SEMA6A: variants seen among roughly 807,000 people sequenced by gnomAD.
The protein encoded by SEMA6A is semaphorin-6A.
Under a neutral mutation model 96.8 loss-of-function variants are expected in SEMA6A, and 25 were observed. That is an observed-to-expected ratio of 0.26 (90% CI 0.19 to 0.36). The LOEUF is 0.36. SEMA6A is among the 10% of genes least tolerant of loss of function. The pLI is 1.00. For synonymous variants in SEMA6A, 612 were observed against 518.0 expected, an observed-to-expected ratio of 1.18 and a Z score of -2.46; for missense variants, 1,363 against 1,323.1, an observed-to-expected ratio of 1.03 and a Z score of -0.47.
chr5:116,540,822 TC>T (rs1259252418), intron 1 of SEMA6A, among the ~76,000 whole-genome samples: 2 of 152,188 alleles, frequency 1.3e-5, no homozygotes, highest in African/African-American at 4.8e-5. Flanking sequence ...GCCAACAACT[TC>T]TACTTCGGAT....
intron 7 of SEMA6A, among the ~76,000 whole-genome samples, chr5:116,489,859 G>T (rs748254311): frequency 2.0e-5 from 3 of 152,120 alleles, no homozygotes; most frequent in Non-Finnish European, 4.4e-5. Flanking sequence ...ATCAAAAGGG[G>T]TGTTCTAGAA....
intron 18 of SEMA6A, among the ~76,000 whole-genome samples, chr5:116,462,896 T>G (rs535119599): frequency 6.6e-6 from 1 of 152,342 alleles, no homozygotes; most frequent in South Asian, 2.1e-4. Context: ...CTTAGTATTT[T>G]TATATCCCTC....
intron 10 of SEMA6A, among the ~76,000 whole-genome samples, chr5:116,486,298 T>G (rs186812951): frequency 2.8e-4 from 43 of 152,332 alleles, no homozygotes; most frequent in Admixed American, 1.4e-3. Flanking sequence ...ATATTAAAAG[T>G]CAAATACTGC....
chr5:116,560,247 C>G (rs1760768145), intron 1 of SEMA6A, among the ~76,000 whole-genome samples: 1 of 152,208 alleles, frequency 6.6e-6, no homozygotes, highest in African/African-American at 2.4e-5. Flanking sequence ...TTAGCATCTT[C>G]TGCATTCTGC....
rs757466690 is a variant in SEMA6A at position 116,447,780 on chromosome 5, G to T, written c.1926C>A (p.His642Gln). The change falls in exon 19 of 19, where the codon CAC becomes CAA. Residue 642 changes from histidine to glutamine, a missense_variant. His to Gln is a conservative substitution (Grantham distance 24, BLOSUM62 0). This residue lies in a region of SEMA6A where 883 missense variants were observed against 763.6 expected (regional missense o/e 1.16). Coordinates refer to ENST00000343348, the MANE Select transcript of SEMA6A (RefSeq NM_020796.5). ...GVIRESYLKGHDQLVPVTLLA... is the reference protein window; with the variant it reads ...GVIRESYLKGQDQLVPVTLLA... ...AGAGGGTGACGGGAACCAGCTGGTCGTGGCCTTTGAGGTAACTTTCCCGAA... is the reference window on the plus strand; with the variant it reads ...AGAGGGTGACGGGAACCAGCTGGTCTTGGCCTTTGAGGTAACTTTCCCGAA... 11 of 1,605,734 alleles carry T rather than the reference G, an allele frequency of 6.9e-6. No individual in the cohort carries two copies. In the South Asian group the frequency reaches 1.1e-4, roughly 16 times the overall value.
intron 1 of SEMA6A, among the ~76,000 whole-genome samples, chr5:116,534,557 C>T (rs1759628361): frequency 6.6e-6 from 1 of 152,220 alleles, no homozygotes. Flanking sequence ...TTAAATGTTA[C>T]TGCCTAGGAC....
At chr5:116,559,499 G>GGCCGCCA (rs1760732994) in intron 1 of SEMA6A, among the ~76,000 whole-genome samples, 1 of 151,942 alleles carries the variant, frequency 6.6e-6, no homozygotes, top group African/African-American at 2.4e-5. Context: ...GGCTGACGCC[G>GGCCGCCA]TTTTAGGCCT....
At chr5:116,507,820 C>G (rs917567335) in intron 1 of SEMA6A, among the ~76,000 whole-genome samples, 3 of 152,194 alleles carry the variant, frequency 2.0e-5, no homozygotes, top group Admixed American at 1.3e-4. Context: ...GCCTTTCACT[C>G]TCCTTAGCCT....
chr5:116,513,138 T>A (rs987414707), intron 1 of SEMA6A, among the ~76,000 whole-genome samples: 2 of 151,882 alleles, frequency 1.3e-5, no homozygotes, highest in African/African-American at 4.8e-5. Context: ...CTTTTTTTTT[T>A]TCCCCCGCGA....
At chr5:116,514,185 CTCTGTCTTT>C (rs1383844896) in intron 1 of SEMA6A, among the ~76,000 whole-genome samples, 2 of 152,168 alleles carry the variant, frequency 1.3e-5, no homozygotes, top group East Asian at 3.9e-4. Flanking sequence ...GTATTTCTGC[CTCTGTCTTT>C]GAGCAATCAC....
chr5:116,537,943 G>A (rs145866329), intron 1 of SEMA6A, among the ~76,000 whole-genome samples: 3 of 152,050 alleles, frequency 2.0e-5, no homozygotes, highest in Non-Finnish European at 4.4e-5. Flanking sequence ...TTGGGAGGCC[G>A]AGGCGGGCGG....
At chr5:116,532,657 C>A (rs1161492106) in intron 1 of SEMA6A, among the ~76,000 whole-genome samples, 1 of 152,156 alleles carries the variant, frequency 6.6e-6, no homozygotes, top group Non-Finnish European at 1.5e-5. Context: ...CTCCCTTTCC[C>A]ATTTTCTAAC....
intron 18 of SEMA6A, among the ~76,000 whole-genome samples, chr5:116,466,998 G>A (rs933095848): frequency 5.3e-5 from 8 of 152,082 alleles, no homozygotes; most frequent in Non-Finnish European, 7.4e-5. Flanking sequence ...CTTCCTTTCC[G>A]TTGTAAATGC....
At chr5:116,494,862 CATCA>C (rs1429685286) in intron 6 of SEMA6A, among the ~76,000 whole-genome samples, 2 of 152,196 alleles carry the variant, frequency 1.3e-5, no homozygotes, top group African/African-American at 4.8e-5. Context: ...CTGTTAGCTG[CATCA>C]AAACCAGCTA....
At chr5:116,476,181 C>T (rs1756438372) in intron 15 of SEMA6A, among the ~76,000 whole-genome samples, 1 of 152,162 alleles carries the variant, frequency 6.6e-6, no homozygotes, top group Non-Finnish European at 1.5e-5. Context: ...GTATTACTCT[C>T]ATTCTCTTTG....
At chr5:116,553,625 C>T (rs897309784) in intron 1 of SEMA6A, among the ~76,000 whole-genome samples, 3 of 152,140 alleles carry the variant, frequency 2.0e-5, no homozygotes, top group Admixed American at 1.3e-4. Context: ...GTGCTGGGAG[C>T]AAACAATGGA....
chr5:116,516,511 T>C (rs938494538), intron 1 of SEMA6A, among the ~76,000 whole-genome samples: 5 of 152,180 alleles, frequency 3.3e-5, no homozygotes, highest in African/African-American at 1.2e-4. Context: ...TGAAAATTAC[T>C]AATATCTTTA....
chr5:116,472,873 C>G (rs1186802586), intron 17 of SEMA6A, 200 bp downstream of exon 17: 1 of 1,478,728 alleles, frequency 6.8e-7, no homozygotes, highest in African/African-American at 1.4e-5. Flanking sequence ...AAAAAAAAAT[C>G]CGTAAACTGA....
chr5:116,539,553 CTT>C (rs1759870319), intron 1 of SEMA6A, among the ~76,000 whole-genome samples: 1 of 151,804 alleles, frequency 6.6e-6, no homozygotes, highest in African/African-American at 2.4e-5. Flanking sequence ...GTATGGTTAA[CTT>C]GTCCTTCAGT....
Sources: gnomAD v4.1 joint callset for allele counts (sites outside exome capture counted in the v4.1 genomes callset) on GRCh38, gnomAD v4.1.1 for gene constraint, gnomAD v4.1.1 regional missense constraint, MANE v1.5 for transcripts, NCBI Gene and HGNC (gene_info 2026-07-23, HGNC 2026-07-21) for gene names.